The following ANKRD6 variants were observed in gnomAD, a reference collection of about 807,000 sequenced individuals.
ANKRD6 encodes ankyrin repeat domain-containing protein 6.
In ANKRD6, 56 loss-of-function variants were observed where a neutral mutation model predicts 82.3. That is an observed-to-expected ratio of 0.68 (90% CI 0.55 to 0.85). The LOEUF (loss-of-function observed/expected upper bound fraction) is 0.85, where lower values mean the gene tolerates loss of function less well. Among genes scored for constraint, ANKRD6 ranks in the 40% least tolerant of loss-of-function variants. The pLI is 0.00. For missense variants in ANKRD6, 852 were observed against 907.6 expected (o/e 0.94, Z 0.79); for synonymous variants, 347 against 352.1 (o/e 0.99, Z 0.16).
At chr6:89,535,559 A>G (rs987070259) in intron 1 of ANKRD6, among the ~76,000 whole-genome samples, 6 of 152,236 alleles carry the variant, frequency 3.9e-5, no homozygotes, top group Admixed American at 3.9e-4. Context: ...ACCTGGCCAT[A>G]CACAAGACAA....
intron 13 of ANKRD6, among the ~76,000 whole-genome samples, chr6:89,625,941 G>T (rs1341928996): frequency 6.6e-6 from 1 of 151,978 alleles, no homozygotes; most frequent in Non-Finnish European, 1.5e-5. Flanking sequence ...CACCACGTTG[G>T]CTAGGCTGGT....
intron 5 of ANKRD6, 42 bp downstream of exon 5, chr6:89,606,147 G>C: frequency 6.8e-7 from 1 of 1,467,900 alleles, no homozygotes; most frequent in Non-Finnish European, 9.2e-7. Context: ...TCACAGGTGA[G>C]GATGGCTGTG....
At chr6:89,518,885 G>A (rs1781555231) in intron 1 of ANKRD6, among the ~76,000 whole-genome samples, 1 of 152,196 alleles carries the variant, frequency 6.6e-6, no homozygotes, top group African/African-American at 2.4e-5. Context: ...ACTCCCAGAG[G>A]CTAAAATTCC....
At chr6:89,520,348 C>T (rs1781746438) in intron 1 of ANKRD6, among the ~76,000 whole-genome samples, 1 of 152,200 alleles carries the variant, frequency 6.6e-6, no homozygotes, top group East Asian at 1.9e-4. Flanking sequence ...ACATAGCCTC[C>T]TATATCATCA....
chr6:89,517,913 T>C (rs893098257), intron 1 of ANKRD6, among the ~76,000 whole-genome samples: 1 of 152,236 alleles, frequency 6.6e-6, no homozygotes, highest in African/African-American at 2.4e-5. Flanking sequence ...CTTTTTTGGA[T>C]ATACACTTCT....
At chr6:89,533,555 C>G (rs1419008841) in intron 1 of ANKRD6, among the ~76,000 whole-genome samples, 1 of 152,130 alleles carries the variant, frequency 6.6e-6, no homozygotes. Context: ...ATCTTCAGTA[C>G]TTTTTTCCTC....
chr6:89,492,752 A>G (rs1401238935), intron 1 of ANKRD6, among the ~76,000 whole-genome samples: 1 of 152,214 alleles, frequency 6.6e-6, no homozygotes, highest in African/African-American at 2.4e-5. Flanking sequence ...AGAGATTCAC[A>G]ACAGGCCCTC....
intron 4 of ANKRD6, 123 bp downstream of exon 4, chr6:89,603,250 T>G: frequency 1.4e-6 from 1 of 733,564 alleles, no homozygotes. Flanking sequence ...GTCTTACCAC[T>G]TATGATTTAA....
intron 1 of ANKRD6, among the ~76,000 whole-genome samples, chr6:89,542,505 C>T (rs892573370): frequency 1.3e-5 from 2 of 151,996 alleles, no homozygotes; most frequent in East Asian, 1.9e-4. Flanking sequence ...TCTTTGACCA[C>T]CCCCCCGCTT....
chr6:89,472,105 C>T lies in ANKRD6; in HGVS notation c.-144+38730C>T, dbSNP rs1159278900. On this transcript the variant is annotated intron_variant, in intron 1 of 15. Transcript: ENST00000339746. ...TCCCTAGCTTGCAGATGCAGCACTC[C>T]AATCCCTGCTTTCATCTTCTTAGGG... Among the ~76,000 whole-genome samples, 5 of 152,066 alleles carry T rather than the reference C, an allele frequency of 3.3e-5. No individual in the cohort carries two copies. The East Asian group carries it at 9.6e-4, about 29-fold the overall frequency.
chr6:89,569,760 CT>C (rs969877787), intron 2 of ANKRD6, among the ~76,000 whole-genome samples: 45 of 152,228 alleles, frequency 3.0e-4, no homozygotes, highest in African/African-American at 1.0e-3. Flanking sequence ...GCTTGCCTGT[CT>C]TTTTTTATAC....
At chr6:89,435,320 C>T (rs890981758) in intron 1 of ANKRD6, among the ~76,000 whole-genome samples, 1 of 152,144 alleles carries the variant, frequency 6.6e-6, no homozygotes, top group Admixed American at 6.5e-5. Context: ...CCCTGGAGCC[C>T]CTGAGTACCC....
At chr6:89,532,024 C>G (rs948792943) in intron 1 of ANKRD6, among the ~76,000 whole-genome samples, 2 of 152,136 alleles carry the variant, frequency 1.3e-5, no homozygotes, top group East Asian at 3.9e-4. Flanking sequence ...GCCAATGTTG[C>G]GGATGAAGTC....
chr6:89,454,960 C>T (rs1335315277), intron 1 of ANKRD6, among the ~76,000 whole-genome samples: 1 of 152,096 alleles, frequency 6.6e-6, no homozygotes, highest in African/African-American at 2.4e-5. Context: ...CTTGCCTCAG[C>T]CTCCCGAGTA....
intron 1 of ANKRD6, among the ~76,000 whole-genome samples, chr6:89,496,826 A>G (rs1778682608): frequency 6.6e-6 from 1 of 152,208 alleles, no homozygotes; most frequent in Non-Finnish European, 1.5e-5. Flanking sequence ...AACTTTTATT[A>G]TGTTTCAGAA....
chr6:89,558,703 C>T (rs74336985), intron 1 of ANKRD6, among the ~76,000 whole-genome samples: 10 of 151,250 alleles, frequency 6.6e-5, no homozygotes, highest in South Asian at 2.1e-4. Context: ...CAGAGTGAAC[C>T]CTAATGCAAA....
At chr6:89,516,594 C>T (rs1583035408) in intron 1 of ANKRD6, among the ~76,000 whole-genome samples, 2 of 152,220 alleles carry the variant, frequency 1.3e-5, no homozygotes, top group South Asian at 4.1e-4. Flanking sequence ...CCTGCTTCAA[C>T]CTCCTGCAAG....
Position 89,465,247 on chromosome 6 carries a change from G to C in ANKRD6, c.-144+31872G>C, listed in dbSNP as rs184055986. ...TAATTCTCCTGCCTCAGCCTCCTGA[G>C]TAACTGGGATTACAGGTGCCTGCCA... is the stretch of plus-strand genomic sequence containing the variant. On this transcript the variant is annotated intron_variant, in intron 1 of 15. Transcript: ENST00000339746. 2.4e-3 allele frequency among the ~76,000 whole-genome samples: 357 copies of C among 151,548 alleles called. 1 individual carries two copies. Among genetic ancestry groups the C allele is most frequent in the African/African-American group, 8.4e-3 (346 of 41,260 alleles).
intron 3 of ANKRD6, among the ~76,000 whole-genome samples, chr6:89,600,881 T>TA (rs1237522161): frequency 8.7e-5 from 13 of 148,928 alleles, no homozygotes; most frequent in East Asian, 3.9e-4. Flanking sequence ...ACTAAAAATA[T>TA]AAAAAAAAAA....
Sources: allele counts gnomAD v4.1 joint callset (sites outside exome capture counted in the v4.1 genomes callset), GRCh38; gene constraint gnomAD v4.1.1; transcripts MANE v1.5; gene names NCBI Gene and HGNC (gene_info 2026-07-23, HGNC 2026-07-21).